CCDC7: variants seen among roughly 807,000 people sequenced by gnomAD.
CCDC7 encodes the protein coiled-coil domain-containing protein 7.
A neutral mutation model predicts 196.9 loss-of-function variants in CCDC7; 183 were observed. That is an observed-to-expected ratio of 0.93 (90% confidence interval 0.82 to 1.05). CCDC7 has a LOEUF of 1.05. CCDC7 is among the 50% of genes least tolerant of loss of function. The pLI, the probability that CCDC7 is intolerant of heterozygous loss-of-function variation, is 0.00. For missense variants in CCDC7, 1,540 were observed against 1,482.2 expected (o/e 1.04, Z -0.64); for synonymous variants, 525 against 484.6 (o/e 1.08, Z -1.10).
chr10:32,760,826 A>T (rs2077352845), intron 28 of CCDC7, among the ~76,000 whole-genome samples: 1 of 152,000 alleles, frequency 6.6e-6, no homozygotes, highest in Admixed American at 6.6e-5. Flanking sequence ...TCAAAATAAA[A>T]ATTATCACCC....
chr10:32,616,142 G>C (rs552501393), intron 18 of CCDC7, among the ~76,000 whole-genome samples: 13 of 151,944 alleles, frequency 8.6e-5, no homozygotes, highest in Non-Finnish European at 1.8e-4. Flanking sequence ...TGGCTATTTG[G>C]ACTCCTTTTT....
chr10:32,715,952 G>T (rs2081507457), intron 25 of CCDC7, among the ~76,000 whole-genome samples: 1 of 152,160 alleles, frequency 6.6e-6, no homozygotes, highest in Non-Finnish European at 1.5e-5. Flanking sequence ...GAGACGGGGA[G>T]AATGAAACCA....
At chr10:32,777,843 G>A (rs1045019112) in intron 28 of CCDC7, among the ~76,000 whole-genome samples, 17 of 152,334 alleles carry the variant, frequency 1.1e-4, no homozygotes, top group African/African-American at 4.1e-4. Flanking sequence ...CAGCCTGGGT[G>A]ACAGAGTGAG....
At chr10:32,828,491 A>AAGAG (rs2091641971) in intron 32 of CCDC7, among the ~76,000 whole-genome samples, 148 of 62,930 alleles carry the variant, frequency 2.4e-3, no homozygotes, top group Non-Finnish European at 3.3e-3. Context: ...AAGAGGAAGA[A>AAGAG]GAAGAAGAAG....
chr10:32,698,278 C>A (rs2078057340), intron 24 of CCDC7, among the ~76,000 whole-genome samples: 1 of 152,152 alleles, frequency 6.6e-6, no homozygotes, highest in African/African-American at 2.4e-5. Context: ...ATTCTAAACA[C>A]CAGAGTGCCT....
chr10:32,557,126 A>G (rs894648943), intron 13 of CCDC7, among the ~76,000 whole-genome samples: 3 of 152,190 alleles, frequency 2.0e-5, no homozygotes, highest in Non-Finnish European at 4.4e-5. Flanking sequence ...TCTTAAAATA[A>G]CTTTGTTACA....
At chr10:32,743,837 AG>A (rs1024956282) in intron 28 of CCDC7, among the ~76,000 whole-genome samples, 2 of 152,086 alleles carry the variant, frequency 1.3e-5, no homozygotes, top group Admixed American at 1.3e-4. Flanking sequence ...TGTCCTTTGT[AG>A]GGACATGGAT....
intron 28 of CCDC7, among the ~76,000 whole-genome samples, chr10:32,753,060 C>T (rs1298265691): frequency 6.6e-6 from 1 of 152,086 alleles, no homozygotes; most frequent in Non-Finnish European, 1.5e-5. Flanking sequence ...TGTCATTTCT[C>T]AATATGTTTT....
intron 21 of CCDC7, among the ~76,000 whole-genome samples, chr10:32,680,634 C>T (rs895584607): frequency 2.0e-5 from 3 of 151,936 alleles, no homozygotes; most frequent in African/African-American, 7.3e-5. Flanking sequence ...ATTTTCTTAT[C>T]TGGGTAAAGG....
chr10:32,676,325 C>G (rs537958708), intron 21 of CCDC7, among the ~76,000 whole-genome samples: 1 of 151,968 alleles, frequency 6.6e-6, no homozygotes, highest in Non-Finnish European at 1.5e-5. Context: ...GACTTCATGT[C>G]TAAAACACCA....
chr10:32,748,547 T>C (rs2133381799), intron 28 of CCDC7, among the ~76,000 whole-genome samples: 1 of 152,250 alleles, frequency 6.6e-6, no homozygotes, highest in East Asian at 1.9e-4. Flanking sequence ...AGACATGATA[T>C]ACTAGGAAAA....
chr10:32,701,916 T>G (rs1171004864), intron 24 of CCDC7, among the ~76,000 whole-genome samples: 1 of 152,176 alleles, frequency 6.6e-6, no homozygotes, highest in East Asian at 1.9e-4. Flanking sequence ...CTTTTCTTCT[T>G]TATTAGTCTT....
chr10:32,715,378 A>C (rs1408609167), intron 25 of CCDC7, among the ~76,000 whole-genome samples: 2 of 152,178 alleles, frequency 1.3e-5, no homozygotes, highest in Non-Finnish European at 2.9e-5. Context: ...AAACCCACGC[A>C]AAAACCCCAT....
intron 32 of CCDC7, among the ~76,000 whole-genome samples, chr10:32,829,649 G>A (rs896228633): frequency 1.3e-5 from 2 of 152,088 alleles, no homozygotes; most frequent in Non-Finnish European, 2.9e-5. Flanking sequence ...TTTATTTGAA[G>A]ATTATGTATG....
At position 32,814,985 on chromosome 10, in the gene CCDC7, G is replaced by A. The variant is rs1044208242; in HGVS notation, c.3181+532G>A. 2.6e-5 allele frequency among the ~76,000 whole-genome samples: 4 copies of A among 152,150 alleles called. No individual in the cohort carries two copies. In the East Asian group the frequency reaches 7.7e-4, roughly 29 times the overall value. ...GAGATGCCCTCAAAAAGCAACATAA[G>A]AGACTTTACACTGTAGAGGAAAGAG... is the stretch of plus-strand genomic sequence containing the variant. On this transcript the variant is annotated intron_variant, in intron 31 of 41. Transcript: ENST00000639629.
chr10:32,607,626 G>T (rs1472920423), intron 18 of CCDC7, among the ~76,000 whole-genome samples: 1 of 152,108 alleles, frequency 6.6e-6, no homozygotes, highest in Non-Finnish European at 1.5e-5. Flanking sequence ...GATGTATCAT[G>T]TTTATTGATT....
At chr10:32,679,880 G>GT (rs1380759633) in intron 21 of CCDC7, among the ~76,000 whole-genome samples, 2 of 152,188 alleles carry the variant, frequency 1.3e-5, no homozygotes, top group Non-Finnish European at 2.9e-5. Flanking sequence ...AGGGTAAACT[G>GT]ATCCTAATCA....
At position 32,845,363 on chromosome 10, in the gene CCDC7, C is replaced by A. The variant is rs1036791190; in HGVS notation, c.3436+37C>A. The A allele has an allele frequency of 3.5e-6, 5 of 1,423,544 alleles. No individual in the cohort carries two copies. In the African/African-American group the frequency reaches 5.7e-5, roughly 16 times the overall value. 88.2% of individuals were successfully genotyped at this position (1,423,544 alleles called of 1,614,324 possible). On this transcript the variant is annotated intron_variant, in intron 34 of 41. Transcript: ENST00000639629. ...AATTTTTCACATCTAATATTTATGG[C>A]TGATTGATATTCCCTGAGTTAAATT...
At chr10:32,878,350 G>C (rs555387293), downstream of CCDC7, among the ~76,000 whole-genome samples, 2 of 151,790 alleles carry the variant, frequency 1.3e-5, no homozygotes, top group African/African-American at 2.4e-5. Context: ...CTATTCAGAG[G>C]GATATACAGA....
Sources: allele counts gnomAD v4.1 joint callset (sites outside exome capture counted in the v4.1 genomes callset), GRCh38; gene constraint gnomAD v4.1.1; transcripts MANE v1.5; gene names NCBI Gene and HGNC (gene_info 2026-07-23, HGNC 2026-07-21).